Variants in NUMB observed in about 807,000 individuals in gnomAD.
NUMB encodes protein numb homolog.
A neutral mutation model predicts 59.7 loss-of-function variants in NUMB; 29 were observed. That is an observed-to-expected ratio of 0.49 (90% CI 0.36 to 0.66). The LOEUF (loss-of-function observed/expected upper bound fraction) is 0.66. Ranked by LOEUF, NUMB falls within the 30% of genes least tolerant of loss-of-function variation. The pLI is 0.00. For synonymous variants in NUMB, 288 were observed against 288.2 expected (o/e 1.00, Z 0.01); for missense variants, 723 against 822.0 (o/e 0.88, Z 1.47).
At chr14:73,291,396 T>C (rs1889391003) in intron 8 of NUMB, among the ~76,000 whole-genome samples, 1 of 151,310 alleles carries the variant, frequency 6.6e-6, no homozygotes, top group South Asian at 2.1e-4. Flanking sequence ...TTGTTTTATT[T>C]TTGAGACGGA....
intron 1 of NUMB, among the ~76,000 whole-genome samples, chr14:73,429,252 G>C (rs1566793296): frequency 2.6e-5 from 4 of 152,094 alleles, no homozygotes; most frequent in African/African-American, 7.2e-5. Context: ...AGCACCTGAA[G>C]TCCCAGCTAC....
intron 1 of NUMB, among the ~76,000 whole-genome samples, chr14:73,432,895 G>C (rs1289555068): frequency 6.6e-6 from 1 of 152,068 alleles, no homozygotes; most frequent in Non-Finnish European, 1.5e-5. Context: ...AGTATGCAGG[G>C]AACTCAGAAA....
chr14:73,385,816 T>C (rs1043240885), intron 2 of NUMB, among the ~76,000 whole-genome samples: 2 of 152,156 alleles, frequency 1.3e-5, no homozygotes, highest in African/African-American at 4.8e-5. Flanking sequence ...GTGGCTTCTG[T>C]AATGAAAGGC....
chr14:73,402,168 A>T (rs1191734220), intron 2 of NUMB, among the ~76,000 whole-genome samples: 1 of 152,176 alleles, frequency 6.6e-6, no homozygotes, highest in East Asian at 1.9e-4. Flanking sequence ...ACCTGGCTAA[A>T]AACTTTTTAT....
chr14:73,397,937 G>A (rs902761198), intron 2 of NUMB, among the ~76,000 whole-genome samples: 5 of 152,134 alleles, frequency 3.3e-5, no homozygotes, highest in African/African-American at 1.2e-4. Context: ...AAGAAAGAAT[G>A]GTAAAGGCCC....
intron 2 of NUMB, among the ~76,000 whole-genome samples, chr14:73,387,435 C>T (rs1410902390): frequency 6.6e-6 from 1 of 152,164 alleles, no homozygotes; most frequent in Non-Finnish European, 1.5e-5. Context: ...TATTGAAGTG[C>T]TACAAGGGAG....
At chr14:73,347,639 C>T (rs528333329) in intron 4 of NUMB, among the ~76,000 whole-genome samples, 49 of 152,314 alleles carry the variant, frequency 3.2e-4, no homozygotes, top group African/African-American at 1.1e-3. Context: ...TTTCATTTCT[C>T]ACTTGATCTC....
intron 1 of NUMB, among the ~76,000 whole-genome samples, chr14:73,456,881 C>T (rs1036365520): frequency 1.3e-5 from 2 of 152,210 alleles, no homozygotes; most frequent in African/African-American, 4.8e-5. Flanking sequence ...AAGCAATCTA[C>T]ATTTTACCAA....
At chr14:73,384,613 G>A (rs375819945) in intron 2 of NUMB, among the ~76,000 whole-genome samples, 3 of 152,096 alleles carry the variant, frequency 2.0e-5, no homozygotes, top group Non-Finnish European at 4.4e-5. Flanking sequence ...TCTCGCCTAC[G>A]CTGGAGTGCC....
intron 1 of NUMB, among the ~76,000 whole-genome samples, chr14:73,420,300 C>T (rs539954282): frequency 2.3e-4 from 35 of 152,336 alleles, no homozygotes; most frequent in African/African-American, 7.7e-4. Flanking sequence ...TCAACAGACT[C>T]ACACTCCAAA....
intron 7 of NUMB, among the ~76,000 whole-genome samples, chr14:73,295,742 T>C (rs1458145522): frequency 3.3e-5 from 5 of 152,228 alleles, no homozygotes; most frequent in African/African-American, 7.2e-5. Context: ...AATTTCTTCC[T>C]GACTTTAGGT....
In NUMB at chr14:73,406,092, GT is replaced by G. The variant is rs551368866; in HGVS notation, c.-101+3844del. Among the ~76,000 whole-genome samples the G allele has an allele frequency of 6.1e-3, 656 of 107,480 alleles. 3 individuals carry two copies. The highest frequency in any genetic ancestry group is 0.016 in the African/African-American group (433 of 26,782). 70.5% of individuals were successfully genotyped at this position (107,480 alleles called of 152,430 possible). On this transcript the variant is annotated intron_variant, in intron 2 of 12. Transcript: ENST00000555238. ...CTCCACAGAATATTAACATATTTTT[GT>G]TTTTTTTTTTTTTTATTATACTTTA... is the stretch of plus-strand genomic sequence containing the variant.
chr14:73,332,299 G>C (rs1892026407), intron 4 of NUMB, among the ~76,000 whole-genome samples: 1 of 151,322 alleles, frequency 6.6e-6, no homozygotes, highest in South Asian at 2.1e-4. Flanking sequence ...TGTTGCCCTG[G>C]CTGGAGTTCA....
chr14:73,378,727 C>G (rs1895089727), intron 2 of NUMB, among the ~76,000 whole-genome samples: 1 of 152,148 alleles, frequency 6.6e-6, no homozygotes, highest in Non-Finnish European at 1.5e-5. Context: ...GTAAAAGGAC[C>G]TGTAACTGCC....
At chr14:73,362,271 A>T (rs1894134550) in intron 3 of NUMB, among the ~76,000 whole-genome samples, 1 of 151,922 alleles carries the variant, frequency 6.6e-6, no homozygotes, top group African/African-American at 2.4e-5. Flanking sequence ...AAAAAATGCT[A>T]CCAAAATTGT....
intron 1 of NUMB, among the ~76,000 whole-genome samples, chr14:73,439,937 G>A (rs920312210): frequency 1.3e-5 from 2 of 151,976 alleles, no homozygotes; most frequent in South Asian, 4.1e-4. Flanking sequence ...TTCATTTACC[G>A]TTCAAGTATA....
chr14:73,411,124 C>G (rs1188229062), intron 1 of NUMB, among the ~76,000 whole-genome samples: 3 of 151,360 alleles, frequency 2.0e-5, no homozygotes. Context: ...CTCAATCTGC[C>G]AGGCTCAAGC....
chr14:73,411,345 T>C (rs1031560942), intron 1 of NUMB, among the ~76,000 whole-genome samples: 14 of 53,516 alleles, frequency 2.6e-4, no homozygotes, highest in Non-Finnish European at 3.9e-4. Flanking sequence ...ATAACCTCTT[T>C]AAACCTCAAG....
intron 4 of NUMB, among the ~76,000 whole-genome samples, chr14:73,350,066 T>TACACACACACACACACACACACACAC (rs1161769200): frequency 1.9e-5 from 2 of 103,616 alleles, no homozygotes; most frequent in South Asian, 5.2e-4. Flanking sequence ...CATATATACA[T>TACACACACACACACACACACACACAC]ACATACATAC....
Sources: allele counts gnomAD v4.1 joint callset (sites outside exome capture counted in the v4.1 genomes callset), GRCh38; gene constraint gnomAD v4.1.1; transcripts MANE v1.5; gene names NCBI Gene and HGNC (gene_info 2026-07-23, HGNC 2026-07-21).